TAMM41: variants seen among roughly 807,000 people sequenced by gnomAD.
TAMM41 encodes the protein TAM41 mitochondrial translocator assembly and maintenance homolog.
Under a neutral mutation model 44.1 loss-of-function variants are expected in TAMM41, and 36 were observed. The ratio of observed to expected loss-of-function variants is 0.82; its 90% CI spans 0.63 to 1.08. TAMM41 has a LOEUF of 1.08. Among genes scored for constraint, TAMM41 ranks in the 50% least tolerant of loss-of-function variants. The pLI, the probability that TAMM41 is intolerant of heterozygous loss-of-function variation, is 0.00. For synonymous variants in TAMM41, 164 were observed against 153.1 expected, an observed-to-expected ratio of 1.07 and a Z score of -0.53; for missense variants, 417 against 404.3, an observed-to-expected ratio of 1.03 and a Z score of -0.27.
chr3:11,787,437 G>A (rs1283188154), downstream of TAMM41, among the ~76,000 whole-genome samples: 9 of 152,250 alleles, frequency 5.9e-5, no homozygotes, highest in East Asian at 9.6e-4. Flanking sequence ...TTCTCTCCAC[G>A]TCATCCCTTC....
At chr3:11,807,742 C>T (rs946880568) in intron 7 of TAMM41, 91 bp downstream of exon 7, 2 of 1,536,048 alleles carry the variant, frequency 1.3e-6, no homozygotes, top group South Asian at 1.2e-5. Context: ...TTCACAAGCA[C>T]CTAAAAGATA....
At chr3:11,807,363 C>A in intron 7 of TAMM41, 2 of 1,490,792 alleles carry the variant, frequency 1.3e-6, no homozygotes, top group South Asian at 1.4e-5. Context: ...AGAGAGAAGT[C>A]AATAGATGAT....
chr3:11,837,444 CTTG>C (rs568547189), intron 3 of TAMM41, among the ~76,000 whole-genome samples: 99 of 151,176 alleles, frequency 6.5e-4, no homozygotes, highest in African/African-American at 2.3e-3. Flanking sequence ...ATTGCAAATA[CTTG>C]TTAAAAGTTT....
the TAMM41 span, among the ~76,000 whole-genome samples, chr3:11,774,868 G>A: frequency 1.8e-5 from 2 of 108,720 alleles, no homozygotes; most frequent in African/African-American, 6.8e-5. Context: ...CACATTGAAA[G>A]CATTTTTTTT....
intron 4 of TAMM41, among the ~76,000 whole-genome samples, 173 bp downstream of exon 4, chr3:11,829,541 G>C (rs573163204): frequency 6.6e-6 from 1 of 152,138 alleles, no homozygotes; most frequent in Non-Finnish European, 1.5e-5. Context: ...ATGTGGAGAG[G>C]GGACCCAGGA....
chr3:11,777,522 G>T, the TAMM41 span, among the ~76,000 whole-genome samples: 1 of 152,198 alleles, frequency 6.6e-6, no homozygotes, highest in African/African-American at 2.4e-5. Flanking sequence ...GGCCGGGTGC[G>T]GTGGCTCACG....
In TAMM41 at chr3:11,809,507, A is replaced by G; in HGVS notation, c.874+10T>C. The G allele has an allele frequency of 1.2e-6, 2 of 1,612,674 alleles. No homozygotes were observed. The highest frequency in any genetic ancestry group is 1.7e-6 in the Non-Finnish European group (2 of 1,179,738). Reference sequence around the variant, plus strand: ...CTGGCATTTCCTCAACATCAAATTCATAAACGTACCTAGTCGCACCACATC... The same window carrying G: ...CTGGCATTTCCTCAACATCAAATTCGTAAACGTACCTAGTCGCACCACATC... On this transcript the variant is annotated intron_variant, in intron 6 of 7. Coordinates refer to ENST00000455809, the MANE Select transcript of TAMM41 (RefSeq NM_001284401.2).
chr3:11,781,234 T>C, the TAMM41 span, among the ~76,000 whole-genome samples: 1 of 152,208 alleles, frequency 6.6e-6, no homozygotes, highest in Non-Finnish European at 1.5e-5. Context: ...AGGACAGTTA[T>C]ACAAGGAGTT....
intron 5 of TAMM41, among the ~76,000 whole-genome samples, chr3:11,815,179 C>T (rs1020634675): frequency 1.3e-5 from 2 of 152,098 alleles, no homozygotes; most frequent in African/African-American, 4.8e-5. Context: ...AAAAGACAAA[C>T]TTCACTAATA....
chr3:11,731,439 G>A, the TAMM41 span, among the ~76,000 whole-genome samples: 44,160 of 151,862 alleles, frequency 0.29, 6,647 homozygotes, highest in Middle Eastern at 0.36. Flanking sequence ...AGGCTGCAGT[G>A]AGCCGTGATG....
chr3:11,776,099 C>A, the TAMM41 span, among the ~76,000 whole-genome samples: 1 of 151,082 alleles, frequency 6.6e-6, no homozygotes, highest in African/African-American at 2.4e-5. Flanking sequence ...CTGCAAGCTC[C>A]GCCTCCCAGG....
At chr3:11,807,279 T>C in intron 7 of TAMM41, 1 of 1,437,402 alleles carries the variant, frequency 7.0e-7, no homozygotes, top group Non-Finnish European at 9.1e-7. Flanking sequence ...ACAACTATAT[T>C]AGGAGGACAG....
At chr3:11,819,865 C>T (rs1378276679) in intron 4 of TAMM41, among the ~76,000 whole-genome samples, 1 of 151,964 alleles carries the variant, frequency 6.6e-6, no homozygotes, top group Admixed American at 6.6e-5. Context: ...TGCATGTGTG[C>T]TTTAATTTGC....
At chr3:11,817,744 CTCA>C (rs1374390880) in intron 4 of TAMM41, among the ~76,000 whole-genome samples, 1 of 152,168 alleles carries the variant, frequency 6.6e-6, no homozygotes, top group Non-Finnish European at 1.5e-5. Context: ...CCATTGCTTC[CTCA>C]TCGTTGACCT....
At chr3:11,802,804 A>G (rs77335704) in intron 7 of TAMM41, among the ~76,000 whole-genome samples, 13 of 152,344 alleles carry the variant, frequency 8.5e-5, no homozygotes, top group Admixed American at 2.6e-4. Context: ...ATCCTCAACA[A>G]AATACTAGCA....
chr3:11,776,716 CAG>C, the TAMM41 span, among the ~76,000 whole-genome samples: 204 of 152,290 alleles, frequency 1.3e-3, no homozygotes, highest in Non-Finnish European at 5.7e-4. Context: ...CACGTGACTG[CAG>C]AGACAGACCA....
At chr3:11,775,484 C>A in the TAMM41 span, among the ~76,000 whole-genome samples, 1 of 152,218 alleles carries the variant, frequency 6.6e-6, no homozygotes, top group Admixed American at 6.5e-5. Context: ...ATCTCCAACA[C>A]TTGTGTGCAA....
intron 4 of TAMM41, among the ~76,000 whole-genome samples, chr3:11,822,398 C>T (rs554582892): frequency 1.3e-5 from 2 of 152,328 alleles, no homozygotes; most frequent in Admixed American, 1.3e-4. Flanking sequence ...TCTCTCCAAT[C>T]TAATACTAGA....
chr3:11,733,571 C>A, the TAMM41 span, among the ~76,000 whole-genome samples: 130 of 151,770 alleles, frequency 8.6e-4, no homozygotes, highest in African/African-American at 3.0e-3. Context: ...CGGCTCACTG[C>A]AAACTCTGCC....
Sources: allele counts gnomAD v4.1 joint callset (sites outside exome capture counted in the v4.1 genomes callset), GRCh38; gene constraint gnomAD v4.1.1; transcripts MANE v1.5; gene names NCBI Gene and HGNC (gene_info 2026-07-23, HGNC 2026-07-21).